Variants in MDFIC2 observed in about 807,000 individuals in gnomAD.
MDFIC2 encodes MyoD family inhibitor domain containing 2, also known as myoD family inhibitor domain-containing protein 2.
At chr3:70,262,330 A>G (rs1701874685) in intron 2 of MDFIC2, among the ~76,000 whole-genome samples, 1 of 152,350 alleles carries the variant, frequency 6.6e-6, no homozygotes, top group Non-Finnish European at 1.5e-5. Flanking sequence ...AAAATGATGC[A>G]TTGCTGAGCC....
chr3:70,300,351 G>A (rs1333697570), intron 2 of MDFIC2, among the ~76,000 whole-genome samples: 1 of 151,862 alleles, frequency 6.6e-6, no homozygotes, highest in Non-Finnish European at 1.5e-5. Context: ...TTATACAGAC[G>A]TTTATTATAG....
Position 70,194,659 on chromosome 3 carries a change from G to T in MDFIC2, c.*2267C>A, listed in dbSNP as rs1701158149. On this transcript the variant is annotated 3_prime_UTR_variant, in exon 4 of 4. Coordinates refer to ENST00000567252, the MANE Select transcript of MDFIC2 (RefSeq NM_001364677.1). ...GTGTTCTGACCACATTACCACATAA[G>T]ACCTGGTGATTTTTATGTCTCTAAT... 6.6e-6 allele frequency among the ~76,000 whole-genome samples: 1 copy of T among 152,180 alleles called. No homozygotes were observed. The highest frequency in any genetic ancestry group is 2.4e-5 in the African/African-American group (1 of 41,450).
At chr3:70,239,420 G>A (rs1366177429) in intron 2 of MDFIC2, among the ~76,000 whole-genome samples, 2 of 152,136 alleles carry the variant, frequency 1.3e-5, no homozygotes, top group Non-Finnish European at 2.9e-5. Flanking sequence ...TTAGGTTGGA[G>A]ATTGACTCTG....
At chr3:70,202,244 G>T (rs1230743346) in intron 3 of MDFIC2, among the ~76,000 whole-genome samples, 1 of 152,008 alleles carries the variant, frequency 6.6e-6, no homozygotes, top group African/African-American at 2.4e-5. Context: ...AGTGACTAAT[G>T]GCCTATTTGA....
chr3:70,225,222 T>A (rs1701492268), intron 2 of MDFIC2, among the ~76,000 whole-genome samples: 1 of 152,174 alleles, frequency 6.6e-6, no homozygotes, highest in Admixed American at 6.5e-5. Context: ...AAGAGAAATG[T>A]ATAATACTGA....
At chr3:70,250,738 G>A (rs563144067) in intron 2 of MDFIC2, among the ~76,000 whole-genome samples, 4 of 152,208 alleles carry the variant, frequency 2.6e-5, no homozygotes, top group African/African-American at 7.2e-5. Context: ...TGTCCTGGAA[G>A]CATCTTGCAA....
At chr3:70,199,192 G>T (rs1390810727) in intron 3 of MDFIC2, among the ~76,000 whole-genome samples, 1 of 152,182 alleles carries the variant, frequency 6.6e-6, no homozygotes, top group Non-Finnish European at 1.5e-5. Context: ...GGGTGGGAAT[G>T]CAGGTGACCT....
chr3:70,205,165 T>C (rs1335075241), intron 3 of MDFIC2: 2 of 152,092 alleles, frequency 1.3e-5, no homozygotes, highest in African/African-American at 4.8e-5. Flanking sequence ...TTAGAAATTT[T>C]ACATAACACT....
In MDFIC2 at chr3:70,275,580, G is replaced by A. The variant is rs1458368035; in HGVS notation, c.88+36306C>T. 3.3e-5 allele frequency among the ~76,000 whole-genome samples: 5 copies of A among 152,134 alleles called. No homozygotes were observed. In the South Asian group the frequency reaches 6.2e-4, roughly 19 times the overall value. ...GGAATTCAGTCCTTGGGACTGCACT[G>A]CCTAGGTTTAAATCCTGGCCTTGCC... On this transcript the variant is annotated intron_variant, in intron 2 of 3. Transcript: ENST00000567252.
At chr3:70,224,373 T>C (rs1701485241) in intron 2 of MDFIC2, among the ~76,000 whole-genome samples, 1 of 152,212 alleles carries the variant, frequency 6.6e-6, no homozygotes, top group Non-Finnish European at 1.5e-5. Context: ...ATGGCTGAGC[T>C]GCTTTATTTC....
At chr3:70,303,755 C>T (rs748265368) in intron 2 of MDFIC2, among the ~76,000 whole-genome samples, 10 of 152,106 alleles carry the variant, frequency 6.6e-5, no homozygotes, top group Non-Finnish European at 1.2e-4. Context: ...GATCCTGGCT[C>T]ACTGCAACCT....
intron 2 of MDFIC2, among the ~76,000 whole-genome samples, chr3:70,207,600 C>A (rs751449710): frequency 1.3e-5 from 2 of 151,848 alleles, no homozygotes; most frequent in African/African-American, 2.4e-5. Context: ...ACAACAAATC[C>A]TAGATACACA....
At chr3:70,225,362 G>A (rs544942177) in intron 2 of MDFIC2, among the ~76,000 whole-genome samples, 62 of 152,232 alleles carry the variant, frequency 4.1e-4, no homozygotes, top group Middle Eastern at 3.4e-3. Context: ...GAGTTCTGCC[G>A]TTCAAGTCGC....
chr3:70,197,608 C>G (rs1701195054), intron 3 of MDFIC2, among the ~76,000 whole-genome samples: 1 of 152,162 alleles, frequency 6.6e-6, no homozygotes, highest in Non-Finnish European at 1.5e-5. Flanking sequence ...GTACAAATGC[C>G]CTGTTTCTTG....
intron 2 of MDFIC2, among the ~76,000 whole-genome samples, chr3:70,268,821 C>T (rs1701948019): frequency 6.6e-6 from 1 of 152,116 alleles, no homozygotes; most frequent in Non-Finnish European, 1.5e-5. Context: ...ACAAAACAAA[C>T]TATTCTTACT....
intron 2 of MDFIC2, among the ~76,000 whole-genome samples, chr3:70,286,853 CTGTT>C (rs1207090461): frequency 2.8e-4 from 43 of 152,184 alleles, no homozygotes; most frequent in Non-Finnish European, 2.6e-4. Flanking sequence ...ATTTGGCTCT[CTGTT>C]TGTCTGTTGT....
At chr3:70,275,543 C>CA (rs1327833286) in intron 2 of MDFIC2, among the ~76,000 whole-genome samples, 3 of 151,870 alleles carry the variant, frequency 2.0e-5, no homozygotes, top group Non-Finnish European at 4.4e-5. Flanking sequence ...CAAATCAAAT[C>CA]AAAAAAACAA....
At chr3:70,215,514 C>G (rs1211665318) in intron 2 of MDFIC2, among the ~76,000 whole-genome samples, 3 of 151,984 alleles carry the variant, frequency 2.0e-5, no homozygotes, top group African/African-American at 7.2e-5. Flanking sequence ...ACTGCTTTTT[C>G]CAAACTTAGC....
intron 2 of MDFIC2, among the ~76,000 whole-genome samples, chr3:70,245,678 T>C (rs1331291688): frequency 4.0e-5 from 4 of 100,606 alleles, no homozygotes; most frequent in African/African-American, 2.2e-4. Context: ...GCTTTATATA[T>C]ATATATATAT....
Sources: allele counts gnomAD v4.1 joint callset (sites outside exome capture counted in the v4.1 genomes callset), GRCh38; gene constraint gnomAD v4.1.1; transcripts MANE v1.5; gene names NCBI Gene and HGNC (gene_info 2026-07-23, HGNC 2026-07-21).